The following SCAPER variants were observed in gnomAD, a reference collection of about 807,000 sequenced individuals.
The protein encoded by SCAPER is S phase cyclin A-associated protein in the endoplasmic reticulum.
SCAPER carries 98 observed loss-of-function variants against 182.2 expected under a neutral mutation model. The observed-to-expected ratio is 0.54, with a 90% CI of 0.46 to 0.64. SCAPER has a LOEUF of 0.64. SCAPER is among the 30% of genes least tolerant of loss of function. The pLI is 0.00. For synonymous variants in SCAPER, 605 were observed against 564.6 expected (o/e 1.07, Z -1.01); for missense variants, 1,432 against 1,690.0 (o/e 0.85, Z 2.68).
rs112583427 is a variant in SCAPER at position 76,408,991 on chromosome 15, T to G, written c.3312-4312A>C. Among the ~76,000 whole-genome samples the G allele has an allele frequency of 2.3e-3, 351 of 152,022 alleles. 4 individuals carry two copies. The highest frequency in any genetic ancestry group is 7.8e-3 in the African/African-American group (324 of 41,488). On this transcript the variant is annotated intron_variant, in intron 26 of 31. Transcript: ENST00000563290. ...CAAACTGAAACAACCACTTGTTGAG[T>G]GGTTGGTCCTTTCTGAGTATCGTCT...
intron 30 of SCAPER, among the ~76,000 whole-genome samples, chr15:76,351,494 G>A (rs1386601154): frequency 6.6e-6 from 1 of 151,898 alleles, no homozygotes; most frequent in Admixed American, 6.6e-5. Context: ...TATCACCAGG[G>A]GACAACTTGC....
At chr15:76,399,591 G>C (rs994704882) in intron 27 of SCAPER, among the ~76,000 whole-genome samples, 1 of 152,180 alleles carries the variant, frequency 6.6e-6, no homozygotes, top group Non-Finnish European at 1.5e-5. Flanking sequence ...TTAAAGAAAT[G>C]CAAGTTCATT....
rs199911700 is a variant in SCAPER at position 76,877,207 on chromosome 15, TA to T, written c.6+6604del. ...GCCTGGGTGACAGAGACCCTGTCTT[TA>T]AAAAAAAAAAAAAAAAATCCAAGAG... On this transcript the variant is annotated intron_variant, in intron 2 of 31. Transcript: ENST00000563290. Among the ~76,000 whole-genome samples the T allele has an allele frequency of 9.6e-3, 1,274 of 133,160 alleles. 3 individuals are homozygous for T. Among genetic ancestry groups the T allele is most frequent in the African/African-American group, 0.01 (376 of 36,006 alleles). 87.4% of individuals were successfully genotyped at this position (133,160 alleles called of 152,430 possible). A position where few individuals can be genotyped will look rare whatever the true frequency, so the allele number is the denominator to read the frequency against.
At chr15:76,509,828 A>G (rs1389139481) in intron 23 of SCAPER, among the ~76,000 whole-genome samples, 2 of 152,188 alleles carry the variant, frequency 1.3e-5, no homozygotes, top group East Asian at 1.9e-4. Context: ...AAACTATACT[A>G]TAAGGCCACA....
chr15:76,852,560 G>A (rs1459681528), intron 4 of SCAPER, among the ~76,000 whole-genome samples: 1 of 152,156 alleles, frequency 6.6e-6, no homozygotes, highest in Non-Finnish European at 1.5e-5. Context: ...TGCAACACAT[G>A]AAACTAAACA....
intron 20 of SCAPER, among the ~76,000 whole-genome samples, chr15:76,666,100 A>G (rs1248251481): frequency 6.6e-6 from 1 of 152,314 alleles, no homozygotes; most frequent in East Asian, 1.9e-4. Flanking sequence ...AATATCATCT[A>G]TAATACCAAG....
At chr15:76,448,857 A>G (rs2142800315) in intron 25 of SCAPER, among the ~76,000 whole-genome samples, 1 of 152,310 alleles carries the variant, frequency 6.6e-6, no homozygotes, top group East Asian at 1.9e-4. Context: ...GAATGGATGC[A>G]GACAGCTCTT....
intron 17 of SCAPER, among the ~76,000 whole-genome samples, chr15:76,724,252 C>T (rs529784155): frequency 6.2e-4 from 94 of 151,936 alleles, no homozygotes; most frequent in African/African-American, 2.2e-3. Flanking sequence ...TGAATATTGG[C>T]CCCCATTCTC....
chr15:76,710,136 A>C lies in SCAPER; in HGVS notation c.2166-4152T>G, dbSNP rs558106322. ...CACCCAACATCACAACTTCCATTGAACATTACATAGAAGGAGCAATCCAGT... is the reference window on the plus strand; with the variant it reads ...CACCCAACATCACAACTTCCATTGACCATTACATAGAAGGAGCAATCCAGT... On this transcript the variant is annotated intron_variant, in intron 17 of 31. Transcript: ENST00000563290. Among the ~76,000 whole-genome samples, 6 of 152,340 alleles carry C rather than the reference A, an allele frequency of 3.9e-5. No homozygotes were observed. The East Asian group carries it at 1.2e-3, about 29-fold the overall frequency.
chr15:76,851,895 T>A (rs998228099), intron 4 of SCAPER, among the ~76,000 whole-genome samples: 3 of 151,618 alleles, frequency 2.0e-5, no homozygotes, highest in African/African-American at 7.3e-5. Flanking sequence ...GAGTGGCAAG[T>A]TGGATTAAAA....
At chr15:76,696,022 C>T (rs2058640286) in intron 20 of SCAPER, among the ~76,000 whole-genome samples, 1 of 152,154 alleles carries the variant, frequency 6.6e-6, no homozygotes. Flanking sequence ...CTAGTTTGTT[C>T]ATTTGACTTG....
chr15:76,731,654 T>C (rs2060927556), intron 16 of SCAPER, among the ~76,000 whole-genome samples: 1 of 152,254 alleles, frequency 6.6e-6, no homozygotes, highest in African/African-American at 2.4e-5. Flanking sequence ...GTTATACATG[T>C]TATCTACCAG....
rs758320336 is a variant in SCAPER at position 76,883,804 on chromosome 15, T to C, written c.6+8A>G. 1 of 1,528,270 alleles carries C rather than the reference T, an allele frequency of 6.5e-7. No homozygotes were observed. Among genetic ancestry groups the C allele is most frequent in the South Asian group, 1.3e-5 (1 of 78,440 alleles). The allele number at this position is 1,528,270 out of a possible 1,614,324, so 94.7% of individuals were successfully genotyped here. A position where few individuals can be genotyped will look rare whatever the true frequency, so the allele number is the denominator to read the frequency against. On this transcript the variant is annotated splice_region_variant and intron_variant, in intron 2 of 31. Transcript: ENST00000563290. Reference sequence around the variant, plus strand: ...AAAACTAAGGCTAGTCTTTAAGATATCACTTACCATCATTCTTTAAATTCT... The same window carrying C: ...AAAACTAAGGCTAGTCTTTAAGATACCACTTACCATCATTCTTTAAATTCT...
At chr15:76,904,968 C>T (rs536317243) in intron 1 of SCAPER, among the ~76,000 whole-genome samples, 2 of 152,214 alleles carry the variant, frequency 1.3e-5, no homozygotes, top group African/African-American at 4.8e-5. Context: ...GGCAGCCCCC[C>T]ACTCACCCCT....
rs539072839 is a variant in SCAPER at position 76,886,178 on chromosome 15, T to C, written c.-59-2302A>G. On this transcript the variant is annotated intron_variant, in intron 1 of 31. Coordinates refer to ENST00000563290, the MANE Select transcript of SCAPER (RefSeq NM_020843.4). ...TAAAAGGATGCTAACAATGTGAAAA[T>C]GTATAAAAATAAAACTCACAACCGG... is the stretch of plus-strand genomic sequence containing the variant. Among the ~76,000 whole-genome samples the C allele has an allele frequency of 3.9e-5, 6 of 152,196 alleles. 1 individual carries two copies. Among genetic ancestry groups the C allele is most frequent in the African/African-American group, 1.4e-4 (6 of 41,532 alleles).
intron 17 of SCAPER, among the ~76,000 whole-genome samples, chr15:76,714,534 G>GGTGGTAGTAGTAGTAGTAGTA (rs981246284): frequency 1.0e-4 from 15 of 149,394 alleles, no homozygotes; most frequent in African/African-American, 3.7e-4. Flanking sequence ...TAGTAGTAGT[G>GGTGGTAGTAGTAGTAGTAGTA]GTAGTAGTAG....
chr15:76,836,275 G>A (rs2068945503), intron 5 of SCAPER, among the ~76,000 whole-genome samples: 2 of 152,032 alleles, frequency 1.3e-5, no homozygotes. Flanking sequence ...GCAATCCTAA[G>A]CAAAAAGAAC....
intron 8 of SCAPER, among the ~76,000 whole-genome samples, chr15:76,778,543 A>C (rs1408709909): frequency 1.3e-5 from 2 of 152,102 alleles, no homozygotes; most frequent in Non-Finnish European, 2.9e-5. Context: ...AGATTTATCA[A>C]TAATTACCTT....
At chr15:76,816,778 G>A (rs1027135877) in intron 5 of SCAPER, among the ~76,000 whole-genome samples, 7 of 151,510 alleles carry the variant, frequency 4.6e-5, no homozygotes, top group Non-Finnish European at 7.4e-5. Context: ...TCAGCCTCCC[G>A]AGTAGCTGGG....
Sources: gnomAD v4.1 joint callset for allele counts (sites outside exome capture counted in the v4.1 genomes callset) on GRCh38, gnomAD v4.1.1 for gene constraint, MANE v1.5 for transcripts, NCBI Gene and HGNC (gene_info 2026-07-23, HGNC 2026-07-21) for gene names.